The following OPCML variants were observed in gnomAD, a reference collection of about 807,000 sequenced individuals.
OPCML encodes the protein opioid binding protein/cell adhesion molecule like.
Under a neutral mutation model 37.8 loss-of-function variants are expected in OPCML, and 13 were observed. That is an observed-to-expected ratio of 0.34 (90% CI 0.22 to 0.55). OPCML has a LOEUF of 0.55. Ranked by LOEUF, OPCML falls within the 20% of genes least tolerant of loss-of-function variation. OPCML has a pLI of 0.91. For missense variants in OPCML, 341 were observed against 435.6 expected, an observed-to-expected ratio of 0.78 and a Z score of 1.93; for synonymous variants, 176 against 168.8, an observed-to-expected ratio of 1.04 and a Z score of -0.33.
intron 1 of OPCML, among the ~76,000 whole-genome samples, chr11:133,027,662 C>T (rs1018150374): frequency 3.1e-4 from 39 of 127,790 alleles, no homozygotes; most frequent in African/African-American, 4.7e-4. Flanking sequence ...ATGTGTGGGG[C>T]GTGTGGTGTG....
intron 1 of OPCML, among the ~76,000 whole-genome samples, chr11:133,031,401 G>A (rs1000265295): frequency 2.2e-5 from 3 of 133,652 alleles, no homozygotes; most frequent in Admixed American, 7.2e-5. Flanking sequence ...TTGGTTGGAT[G>A]GGTAGGTGAA....
intron 1 of OPCML, among the ~76,000 whole-genome samples, chr11:133,245,325 T>G (rs1157742139): frequency 6.6e-6 from 1 of 152,228 alleles, no homozygotes; most frequent in African/African-American, 2.4e-5. Flanking sequence ...TCTTTACAGT[T>G]AACTTTTAGG....
chr11:132,466,022 C>T (rs1449719829), intron 4 of OPCML, among the ~76,000 whole-genome samples: 1 of 152,160 alleles, frequency 6.6e-6, no homozygotes, highest in East Asian at 1.9e-4. Context: ...ATGCAGAGCT[C>T]CACCAATGCA....
intron 1 of OPCML, among the ~76,000 whole-genome samples, chr11:133,452,410 A>C (rs1359050425): frequency 6.6e-6 from 1 of 151,584 alleles, no homozygotes; most frequent in East Asian, 1.9e-4. Context: ...TTAATTAAAA[A>C]TATCATATAA....
chr11:132,715,565 G>A (rs936596225), intron 2 of OPCML, among the ~76,000 whole-genome samples: 1 of 152,084 alleles, frequency 6.6e-6, no homozygotes, highest in Non-Finnish European at 1.5e-5. Context: ...ATGGGGGTGG[G>A]GTCCTCATGA....
chr11:133,234,212 T>C (rs777815344), intron 1 of OPCML, among the ~76,000 whole-genome samples: 2 of 152,008 alleles, frequency 1.3e-5, no homozygotes, highest in Non-Finnish European at 2.9e-5. Flanking sequence ...AATTTTGTTT[T>C]GTTTTCTAAA....
At chr11:133,426,132 C>T (rs1353829492) in intron 1 of OPCML, among the ~76,000 whole-genome samples, 2 of 152,172 alleles carry the variant, frequency 1.3e-5, no homozygotes, top group Admixed American at 1.3e-4. Flanking sequence ...TGTCTGCTTA[C>T]TTCTTGCTCC....
intron 4 of OPCML, among the ~76,000 whole-genome samples, chr11:132,498,231 G>A (rs1386082129): frequency 6.6e-6 from 1 of 152,226 alleles, no homozygotes; most frequent in African/African-American, 2.4e-5. Flanking sequence ...ATAGCTTAGA[G>A]GTTCAAGGAG....
intron 1 of OPCML, among the ~76,000 whole-genome samples, chr11:133,524,624 T>C (rs1192711871): frequency 1.3e-5 from 2 of 152,222 alleles, no homozygotes; most frequent in South Asian, 4.1e-4. Context: ...CGACTCACAC[T>C]CTCAGGCGTG....
At chr11:132,660,055 A>G (rs1303554559) in intron 2 of OPCML, among the ~76,000 whole-genome samples, 4 of 152,208 alleles carry the variant, frequency 2.6e-5, no homozygotes, top group Admixed American at 2.6e-4. Flanking sequence ...AAATTGATAG[A>G]ACATAAATAT....
At chr11:133,495,840 C>T (rs941115020) in intron 1 of OPCML, among the ~76,000 whole-genome samples, 1 of 151,992 alleles carries the variant, frequency 6.6e-6, no homozygotes, top group Non-Finnish European at 1.5e-5. Context: ...TTTTCTCCCC[C>T]TCTGTGGGTT....
At chr11:133,056,283 A>G (rs1339965820) in intron 1 of OPCML, among the ~76,000 whole-genome samples, 1 of 152,212 alleles carries the variant, frequency 6.6e-6, no homozygotes, top group East Asian at 1.9e-4. Flanking sequence ...GTGTGGCCCT[A>G]AAAGGAAAAA....
At chr11:132,983,968 T>C (rs1010019064) in intron 1 of OPCML, among the ~76,000 whole-genome samples, 9 of 152,226 alleles carry the variant, frequency 5.9e-5, no homozygotes, top group East Asian at 5.8e-4. Flanking sequence ...GAGTTTACTA[T>C]TGTCTGGATT....
chr11:133,081,024 A>G (rs4936181), intron 1 of OPCML, among the ~76,000 whole-genome samples: 108,828 of 151,922 alleles, frequency 0.72, 39,437 homozygotes, highest in African/African-American at 0.84. Context: ...GACCAGTTTC[A>G]ACATTATATC....
chr11:132,551,292 G>A (rs1480460216), intron 3 of OPCML, among the ~76,000 whole-genome samples: 1 of 152,190 alleles, frequency 6.6e-6, no homozygotes. Context: ...CAGTGAAAGA[G>A]ATCTAACCTA....
At chr11:133,527,468 T>A (rs1429395693) in intron 1 of OPCML, among the ~76,000 whole-genome samples, 3 of 152,214 alleles carry the variant, frequency 2.0e-5, no homozygotes. Context: ...TCTTGTTCAA[T>A]AAATGAAGGA....
rs374007162 is a variant in OPCML, at chr11:133,439,336, AAAAC to A, written c.61+92924_61+92927del. 394 of 985,304 alleles carry A rather than the reference AAAAC, an allele frequency of 4.0e-4. 2 individuals are homozygous for A. In the African/African-American group the frequency reaches 6.5e-3, roughly 16 times the overall value. 61.0% of individuals were successfully genotyped at this position (985,304 alleles called of 1,614,324 possible). On this transcript the variant is annotated intron_variant, in intron 1 of 7. Transcript: ENST00000524381. ...AGCCAACCTCAAGCAAAGAAAAATAAAAACAAACAAACCAAACTCCACCATGCCA... is the reference window on the plus strand; with the variant it reads ...AGCCAACCTCAAGCAAAGAAAAATAAAAACAAACCAAACTCCACCATGCCA...
rs773804980 is a variant in OPCML at position 133,323,139 on chromosome 11, T to C, written c.61+209125A>G. Among the ~76,000 whole-genome samples, 120 of 152,110 alleles carry C rather than the reference T, an allele frequency of 7.9e-4. 1 individual carries two copies. The highest frequency in any genetic ancestry group is 1.4e-3 in the Non-Finnish European group (92 of 68,028). On this transcript the variant is annotated intron_variant, in intron 1 of 7. Transcript: ENST00000524381. ...ATACCTGTGGTCCAAGCTCATGCCA[T>C]CTCCTGTTTCACTCCTACCCACAGT...
At chr11:133,207,119 T>TAAAAAAAAAA (rs71038525) in intron 1 of OPCML, among the ~76,000 whole-genome samples, 15 of 99,638 alleles carry the variant, frequency 1.5e-4, no homozygotes, top group East Asian at 3.4e-4. Flanking sequence ...AACCCTCTAC[T>TAAAAAAAAAA]AAAAAAAAAA....
Sources: allele counts gnomAD v4.1 joint callset (sites outside exome capture counted in the v4.1 genomes callset), GRCh38; gene constraint gnomAD v4.1.1; transcripts MANE v1.5; gene names NCBI Gene and HGNC (gene_info 2026-07-23, HGNC 2026-07-21).